Variants in BICC1 observed in about 807,000 individuals in gnomAD.
BICC1 encodes the protein protein bicaudal C homolog 1.
BICC1 carries 43 observed loss-of-function variants against 111.0 expected under a neutral mutation model. The ratio of observed to expected loss-of-function variants is 0.39; its 90% confidence interval spans 0.30 to 0.50. The LOEUF (loss-of-function observed/expected upper bound fraction) is 0.50. Ranked by LOEUF, BICC1 falls within the 20% of genes least tolerant of loss-of-function variation. The pLI, the probability that BICC1 is intolerant of heterozygous loss-of-function variation, is 0.88. For missense variants in BICC1, 1,091 were observed against 1,203.2 expected, an observed-to-expected ratio of 0.91 and a Z score of 1.38; for synonymous variants, 467 against 434.4, an observed-to-expected ratio of 1.07 and a Z score of -0.93.
intron 3 of BICC1, among the ~76,000 whole-genome samples, chr10:58,758,479 C>T (rs1842208734): frequency 6.6e-6 from 1 of 152,188 alleles, no homozygotes; most frequent in African/African-American, 2.4e-5. Context: ...ATTCCTGGCA[C>T]ATAGTTCATC....
At chr10:58,611,209 A>T (rs1845406761) in intron 1 of BICC1, among the ~76,000 whole-genome samples, 1 of 152,238 alleles carries the variant, frequency 6.6e-6, no homozygotes, top group South Asian at 2.1e-4. Flanking sequence ...TTTTACCTGA[A>T]TGTTTTCTAA....
intron 2 of BICC1, among the ~76,000 whole-genome samples, chr10:58,655,229 C>T (rs1435409927): frequency 6.8e-6 from 1 of 147,190 alleles, no homozygotes; most frequent in East Asian, 2.0e-4. Flanking sequence ...GAAAGTCATT[C>T]GTAGCTTTGT....
chr10:58,716,771 C>A (rs1276372181), intron 3 of BICC1, among the ~76,000 whole-genome samples: 12 of 148,154 alleles, frequency 8.1e-5, no homozygotes, highest in Admixed American at 7.3e-4. Flanking sequence ...GGGGAAGGAG[C>A]TTTTAGGGTT....
intron 2 of BICC1, among the ~76,000 whole-genome samples, chr10:58,653,832 T>TC (rs971667228): frequency 2.3e-5 from 2 of 88,044 alleles, no homozygotes; most frequent in Admixed American, 1.5e-4. Flanking sequence ...CCCTCCCCCC[T>TC]CCCCCCACCC....
intron 3 of BICC1, among the ~76,000 whole-genome samples, chr10:58,732,513 G>T (rs1038602859): frequency 2.0e-5 from 3 of 148,180 alleles, no homozygotes; most frequent in Middle Eastern, 3.3e-3. Flanking sequence ...AGGCACATTG[G>T]CTCACACCTG....
At chr10:58,785,879 C>G (rs1842997689) in intron 4 of BICC1, among the ~76,000 whole-genome samples, 1 of 152,128 alleles carries the variant, frequency 6.6e-6, no homozygotes, top group South Asian at 2.1e-4. Context: ...TTAGAATGAT[C>G]TCCCTCTGAT....
At chr10:58,753,868 C>T (rs1164040633) in intron 3 of BICC1, among the ~76,000 whole-genome samples, 1 of 152,082 alleles carries the variant, frequency 6.6e-6, no homozygotes, top group Non-Finnish European at 1.5e-5. Flanking sequence ...CGTACTATAT[C>T]ATTTGTCCTG....
intron 2 of BICC1, among the ~76,000 whole-genome samples, chr10:58,637,808 T>C (rs1378993009): frequency 6.6e-6 from 1 of 152,150 alleles, no homozygotes; most frequent in Non-Finnish European, 1.5e-5. Context: ...AGGATCAGTA[T>C]AGGTACCAGT....
intron 1 of BICC1, among the ~76,000 whole-genome samples, chr10:58,580,405 T>C (rs559083162): frequency 1.3e-5 from 2 of 152,294 alleles, no homozygotes; most frequent in South Asian, 2.1e-4. Context: ...TTCAAAACTT[T>C]CTGATTGCTG....
intron 1 of BICC1, among the ~76,000 whole-genome samples, chr10:58,569,660 T>C (rs1020451734): frequency 6.6e-6 from 1 of 152,144 alleles, no homozygotes; most frequent in Non-Finnish European, 1.5e-5. Flanking sequence ...TCTGTTCCTG[T>C]GTTAGGTTGC....
At chr10:58,584,340 C>T (rs1410956595) in intron 1 of BICC1, among the ~76,000 whole-genome samples, 2 of 152,184 alleles carry the variant, frequency 1.3e-5, no homozygotes, top group East Asian at 3.9e-4. Flanking sequence ...GTGTTCTGAG[C>T]CCCCTTTTTG....
chr10:58,526,816 T>G (rs377017378), intron 1 of BICC1, among the ~76,000 whole-genome samples: 2 of 152,192 alleles, frequency 1.3e-5, no homozygotes, highest in Non-Finnish European at 2.9e-5. Context: ...TTTTCTTAAT[T>G]CAGTCTATCA....
At chr10:58,810,495 C>G (rs1297530827) in intron 17 of BICC1, among the ~76,000 whole-genome samples, 1 of 151,520 alleles carries the variant, frequency 6.6e-6, no homozygotes, top group Non-Finnish European at 1.5e-5. Context: ...TCTAGATTCT[C>G]CCTGGTATAT....
intron 3 of BICC1, among the ~76,000 whole-genome samples, chr10:58,749,689 T>C (rs1262626096): frequency 6.6e-6 from 1 of 152,126 alleles, no homozygotes. Context: ...CAAAGATGCA[T>C]AAGATAAAAT....
At chr10:58,825,792 T>C (rs1444651115) in intron 20 of BICC1, among the ~76,000 whole-genome samples, 1 of 152,148 alleles carries the variant, frequency 6.6e-6, no homozygotes, top group African/African-American at 2.4e-5. Context: ...CTTGAGTATT[T>C]TTCATTGTGT....
intron 2 of BICC1, among the ~76,000 whole-genome samples, chr10:58,677,079 C>T (rs1839368646): frequency 6.6e-6 from 1 of 152,174 alleles, no homozygotes; most frequent in Non-Finnish European, 1.5e-5. Flanking sequence ...GTAGATAAAT[C>T]CCTGAAGATG....
chr10:58,564,546 A>G (rs1260641194), intron 1 of BICC1, among the ~76,000 whole-genome samples: 1 of 152,226 alleles, frequency 6.6e-6, no homozygotes, highest in African/African-American at 2.4e-5. Context: ...CTATGACATT[A>G]TGCTGTTTTC....
intron 3 of BICC1, among the ~76,000 whole-genome samples, chr10:58,741,142 G>A (rs1031202003): frequency 1.3e-5 from 2 of 152,162 alleles, no homozygotes; most frequent in African/African-American, 4.8e-5. Flanking sequence ...TTTCTGGGTG[G>A]AGAATCACCT....
chr10:58,747,415 A>G (rs1416036927), intron 3 of BICC1, among the ~76,000 whole-genome samples: 2 of 152,182 alleles, frequency 1.3e-5, no homozygotes, highest in African/African-American at 4.8e-5. Flanking sequence ...GATGTAAGAG[A>G]TAAGTATGCA....
Sources: gnomAD v4.1 joint callset for allele counts (sites outside exome capture counted in the v4.1 genomes callset) on GRCh38, gnomAD v4.1.1 for gene constraint, MANE v1.5 for transcripts, NCBI Gene and HGNC (gene_info 2026-07-23, HGNC 2026-07-21) for gene names.